The following GSE1 variants were observed in gnomAD, a reference collection of about 807,000 sequenced individuals.
GSE1 encodes genetic suppressor element 1.
GSE1 carries 32 observed loss-of-function variants against 112.6 expected under a neutral mutation model. That is an observed-to-expected ratio of 0.28 (90% CI 0.21 to 0.38). The LOEUF (loss-of-function observed/expected upper bound fraction) is 0.38, where lower values mean the gene tolerates loss of function less well. GSE1 is among the 10% of genes least tolerant of loss of function. The probability of loss-of-function intolerance (pLI) is 1.00; values close to 1 mark genes in which losing one functional copy is unlikely to be tolerated. For synonymous variants in GSE1, 1,115 were observed against 735.6 expected, an observed-to-expected ratio of 1.52 and a Z score of -8.35; for missense variants, 2,348 against 1,699.2, an observed-to-expected ratio of 1.38 and a Z score of -6.71.
intron 2 of GSE1, among the ~76,000 whole-genome samples, chr16:85,636,924 A>AC (rs1023706149): frequency 1.7e-4 from 25 of 147,276 alleles, no homozygotes; most frequent in South Asian, 1.1e-3. Context: ...CCCCTGTGCT[A>AC]CCCCCCCAGC....
intron 10 of GSE1, 32 bp from the exon 11 acceptor site, chr16:85,663,312 T>A (rs369073435): frequency 5.6e-6 from 9 of 1,611,214 alleles, no homozygotes; most frequent in Non-Finnish European, 7.6e-6. Context: ...TGCCAGTGGC[T>A]TCAAACTCAT....
intron 1 of GSE1, among the ~76,000 whole-genome samples, chr16:85,588,943 T>A (rs1321147602): frequency 6.6e-6 from 1 of 152,094 alleles, no homozygotes. Context: ...ATGTTCACAC[T>A]CACACATATT....
intron 2 of GSE1, among the ~76,000 whole-genome samples, chr16:85,634,704 C>A (rs561178108): frequency 4.6e-5 from 7 of 152,330 alleles, no homozygotes; most frequent in Non-Finnish European, 7.3e-5. Flanking sequence ...ATCACCTGGG[C>A]AGGACCTGCT....
upstream of GSE1, among the ~76,000 whole-genome samples, chr16:85,606,515 G>GAACGTCTCCTTGCCA (rs1173379681): frequency 6.6e-6 from 1 of 152,228 alleles, no homozygotes; most frequent in Admixed American, 6.5e-5. Flanking sequence ...GCTCCTGGCA[G>GAACGTCTCCTTGCCA]AACGTCTCCT....
intron 2 of GSE1, among the ~76,000 whole-genome samples, chr16:85,474,368 C>G (rs986473119): frequency 6.6e-6 from 1 of 152,264 alleles, no homozygotes; most frequent in South Asian, 2.1e-4. Flanking sequence ...GCCACGTTGG[C>G]AGCTGCTGTT....
At chr16:85,486,565 C>T (rs1255868703) in intron 2 of GSE1, among the ~76,000 whole-genome samples, 1 of 152,252 alleles carries the variant, frequency 6.6e-6, no homozygotes, top group Non-Finnish European at 1.5e-5. Context: ...GGCCTTGCCT[C>T]TGTGTGGAAC....
intron 1 of GSE1, among the ~76,000 whole-genome samples, chr16:85,302,896 C>T (rs1042667672): frequency 6.6e-6 from 1 of 152,194 alleles, no homozygotes; most frequent in Non-Finnish European, 1.5e-5. Flanking sequence ...CTCCTTCAAT[C>T]GGGTCCAACG....
intron 2 of GSE1, among the ~76,000 whole-genome samples, chr16:85,425,303 G>A (rs894561374): frequency 3.3e-5 from 5 of 152,208 alleles, no homozygotes; most frequent in Non-Finnish European, 5.9e-5. Context: ...GGGGATGCAC[G>A]GGTGATGTGA....
chr16:85,608,619 G>A (rs368575080), upstream of GSE1, among the ~76,000 whole-genome samples: 1 of 152,194 alleles, frequency 6.6e-6, no homozygotes, highest in African/African-American at 2.4e-5. Context: ...GCCACGTCTG[G>A]ATGAGACTCG....
intron 1 of GSE1, among the ~76,000 whole-genome samples, chr16:85,356,316 C>G (rs922655254): frequency 6.6e-5 from 10 of 152,362 alleles, no homozygotes; most frequent in African/African-American, 2.4e-4. Flanking sequence ...CAAAAGTGCC[C>G]TGAGGCCCGG....
chr16:85,253,221 G>T (rs935108031), intron 1 of GSE1, among the ~76,000 whole-genome samples: 1 of 152,176 alleles, frequency 6.6e-6, no homozygotes, highest in East Asian at 1.9e-4. Flanking sequence ...CTCGCCGCCG[G>T]CGACTCACAG....
intron 1 of GSE1, among the ~76,000 whole-genome samples, chr16:85,624,287 G>A (rs2048925619): frequency 6.6e-6 from 1 of 152,200 alleles, no homozygotes; most frequent in Non-Finnish European, 1.5e-5. Context: ...AGGGAGGAAG[G>A]GCTCCCACAG....
rs956605970 is a variant in GSE1, at chr16:85,419,113, G to A, written c.2464+61470G>A. Among the ~76,000 whole-genome samples, 4 of 152,176 alleles carry A rather than the reference G, an allele frequency of 2.6e-5. No homozygotes were observed. The highest frequency in any genetic ancestry group is 7.2e-5 in the African/African-American group (3 of 41,442). On this transcript the variant is annotated intron_variant, in intron 2 of 2. Coordinates refer to the GSE1 transcript ENST00000637419. The surrounding 1 kb of genome is among the most constrained non-coding windows in gnomAD (Gnocchi z 6.5). ...GCGCACAGATGGCGTGTAAAGCTGG[G>A]AGACTGGGGAGACACCTTGGGAGTG...
At chr16:85,512,932 C>T (rs765943935) in intron 2 of GSE1, among the ~76,000 whole-genome samples, 59 of 152,216 alleles carry the variant, frequency 3.9e-4, no homozygotes, top group Non-Finnish European at 7.1e-4. Context: ...GGGCTAGCTA[C>T]AACCATGGTG....
chr16:85,540,902 G>C (rs2044495847), intron 2 of GSE1, among the ~76,000 whole-genome samples: 1 of 152,070 alleles, frequency 6.6e-6, no homozygotes, highest in East Asian at 1.9e-4. Context: ...GTGAGACCCT[G>C]TCTCAAAAAA....
At chr16:85,667,252 G>T (rs2052939771) in intron 13 of GSE1, among the ~76,000 whole-genome samples, 1 of 152,328 alleles carries the variant, frequency 6.6e-6, no homozygotes, top group Admixed American at 6.5e-5. Flanking sequence ...ACCTTGTCCT[G>T]GCCTTACACT....
At chr16:85,304,730 G>T (rs987258798) in intron 1 of GSE1, among the ~76,000 whole-genome samples, 1 of 152,078 alleles carries the variant, frequency 6.6e-6, no homozygotes, top group East Asian at 1.9e-4. Context: ...ACCTGCAGAA[G>T]ATGGCAGAGA....
At chr16:85,224,830 A>G (rs1357391981) in intron 1 of GSE1, among the ~76,000 whole-genome samples, 1 of 144,812 alleles carries the variant, frequency 6.9e-6, no homozygotes, top group African/African-American at 2.6e-5. Context: ...TCTACTAAAA[A>G]TACAAAAAAA....
intron 1 of GSE1, among the ~76,000 whole-genome samples, chr16:85,266,289 G>A (rs981801883): frequency 1.3e-5 from 2 of 152,196 alleles, no homozygotes; most frequent in Admixed American, 6.5e-5. Context: ...AGCAATGAGC[G>A]AGCTTGATTG....
Sources: gnomAD v4.1 joint callset for allele counts (sites outside exome capture counted in the v4.1 genomes callset) on GRCh38, gnomAD v4.1.1 for gene constraint, Gnocchi (gnomAD v3.1) non-coding constraint, MANE v1.5 for transcripts, NCBI Gene and HGNC (gene_info 2026-07-23, HGNC 2026-07-21) for gene names.